EXOC4: variants seen among roughly 807,000 people sequenced by gnomAD.
EXOC4 encodes the protein exocyst complex component 4.
EXOC4 carries 71 observed loss-of-function variants against 107.2 expected under a neutral mutation model. The ratio of observed to expected loss-of-function variants is 0.66; its 90% CI spans 0.55 to 0.81. EXOC4 has a LOEUF of 0.81. EXOC4 is among the 30% of genes least tolerant of loss of function. The pLI, the probability that EXOC4 is intolerant of heterozygous loss-of-function variation, is 0.00. For synonymous variants in EXOC4, 456 were observed against 441.2 expected, an observed-to-expected ratio of 1.03 and a Z score of -0.42; for missense variants, 1,108 against 1,189.6, an observed-to-expected ratio of 0.93 and a Z score of 1.01.
At chr7:133,853,485 C>G (rs1194205352) in intron 11 of EXOC4, among the ~76,000 whole-genome samples, 1 of 151,992 alleles carries the variant, frequency 6.6e-6, no homozygotes, top group Non-Finnish European at 1.5e-5. Flanking sequence ...CCCACCTCAA[C>G]TTCTTGAGTA....
intron 10 of EXOC4, among the ~76,000 whole-genome samples, chr7:133,808,138 G>A (rs745813095): frequency 1.4e-4 from 21 of 152,086 alleles, no homozygotes; most frequent in Non-Finnish European, 2.8e-4. Flanking sequence ...GACATGATTG[G>A]GCTCTGCAGT....
chr7:133,776,038 A>G (rs1325522619), intron 10 of EXOC4, among the ~76,000 whole-genome samples: 1 of 151,842 alleles, frequency 6.6e-6, no homozygotes, highest in Non-Finnish European at 1.5e-5. Context: ...GATAAAAAGC[A>G]CTCTTAAAGA....
At chr7:133,510,806 A>G (rs1213811678) in intron 9 of EXOC4, among the ~76,000 whole-genome samples, 1 of 152,190 alleles carries the variant, frequency 6.6e-6, no homozygotes, top group African/African-American at 2.4e-5. Flanking sequence ...AGAGTGGTAC[A>G]TATCACACCA....
In EXOC4 at chr7:133,929,552, A is replaced by G. The variant is rs149742589; in HGVS notation, c.2028-8339A>G. Reference sequence around the variant, plus strand: ...ACACAAAGCATTTACTCTTCTTTATAGTATCTCTGTTTTTTTACTTTCCAG... The same window carrying G: ...ACACAAAGCATTTACTCTTCTTTATGGTATCTCTGTTTTTTTACTTTCCAG... On this transcript the variant is annotated intron_variant, in intron 13 of 17. Transcript: ENST00000253861. Among the ~76,000 whole-genome samples, 26 of 152,100 alleles carry G rather than the reference A, an allele frequency of 1.7e-4. No individual in the cohort carries two copies. The East Asian group carries it at 3.9e-3, about 23-fold the overall frequency.
intron 11 of EXOC4, among the ~76,000 whole-genome samples, chr7:133,831,775 G>A (rs1427021721): frequency 1.3e-5 from 2 of 152,080 alleles, no homozygotes; most frequent in Non-Finnish European, 2.9e-5. Flanking sequence ...AGTTGACACT[G>A]AAAGGAAACA....
chr7:134,059,639 T>G (rs1294762444), intron 17 of EXOC4, among the ~76,000 whole-genome samples: 2 of 152,144 alleles, frequency 1.3e-5, no homozygotes, highest in Non-Finnish European at 2.9e-5. Flanking sequence ...ACTAATTCTG[T>G]TTTTAGAAAT....
chr7:133,787,972 TATATATATATA>T (rs1796620664), intron 10 of EXOC4, among the ~76,000 whole-genome samples: 2 of 38,568 alleles, frequency 5.2e-5, no homozygotes, highest in Non-Finnish European at 1.0e-4. Context: ...TTTATATATA[TATATATATATA>T]TATATATATA....
At chr7:133,310,318 C>T (rs1794842108) in intron 4 of EXOC4, among the ~76,000 whole-genome samples, 1 of 152,122 alleles carries the variant, frequency 6.6e-6, no homozygotes, top group African/African-American at 2.4e-5. Context: ...AGTAAATCCT[C>T]ACTTAATGCC....
chr7:133,985,936 A>G (rs1243208051), intron 14 of EXOC4, among the ~76,000 whole-genome samples: 1 of 152,018 alleles, frequency 6.6e-6, no homozygotes, highest in Non-Finnish European at 1.5e-5. Flanking sequence ...AATCCCTTTC[A>G]TCTCTCTTCT....
intron 12 of EXOC4, among the ~76,000 whole-genome samples, chr7:133,908,418 C>G (rs543074845): frequency 6.6e-6 from 1 of 152,284 alleles, no homozygotes; most frequent in African/African-American, 2.4e-5. Context: ...AGTCTTCAGC[C>G]CAAAGAAGAG....
At chr7:134,010,496 C>G (rs1241653931) in intron 17 of EXOC4, among the ~76,000 whole-genome samples, 1 of 152,082 alleles carries the variant, frequency 6.6e-6, no homozygotes, top group Non-Finnish European at 1.5e-5. Context: ...ATTTTTCCCC[C>G]GCTTCTTGTT....
At chr7:133,589,939 C>T (rs544231192) in intron 9 of EXOC4, among the ~76,000 whole-genome samples, 4 of 152,212 alleles carry the variant, frequency 2.6e-5, no homozygotes, top group Non-Finnish European at 4.4e-5. Context: ...TATTGTCTCA[C>T]GACCAGAAAA....
In EXOC4 at chr7:134,002,641, T is replaced by C. The variant is rs182669192; in HGVS notation, c.2349-2271T>C. 2.5e-4 allele frequency among the ~76,000 whole-genome samples: 38 copies of C among 152,202 alleles called. No homozygotes were observed. In the East Asian group the frequency reaches 6.6e-3, roughly 26 times the overall value. On this transcript the variant is annotated intron_variant, in intron 15 of 17. Transcript: ENST00000253861. ...TAATAAGAAAACAAAAAACCCAATT[T>C]TTAAAACTGGGCAAATGATTTGAAC...
chr7:133,343,857 A>T (rs1194822732), intron 5 of EXOC4, among the ~76,000 whole-genome samples: 1 of 151,176 alleles, frequency 6.6e-6, no homozygotes, highest in East Asian at 1.9e-4. Context: ...TTGGTTATCC[A>T]GGCTGGAGAG....
At chr7:133,709,947 A>G (rs948816517) in intron 10 of EXOC4, among the ~76,000 whole-genome samples, 2 of 152,158 alleles carry the variant, frequency 1.3e-5, no homozygotes, top group African/African-American at 4.8e-5. Context: ...ATTATTACAC[A>G]TATGTTATTA....
intron 7 of EXOC4, among the ~76,000 whole-genome samples, chr7:133,430,761 A>C (rs1051377321): frequency 1.8e-4 from 27 of 152,146 alleles, no homozygotes; most frequent in African/African-American, 6.5e-4. Context: ...AATGTAACTG[A>C]TTTACTAAGA....
chr7:134,029,801 A>G (rs1442165358), intron 17 of EXOC4, among the ~76,000 whole-genome samples: 2 of 152,184 alleles, frequency 1.3e-5, no homozygotes, highest in East Asian at 1.9e-4. Context: ...GATTACAGGC[A>G]TGAGCCACCA....
intron 10 of EXOC4, among the ~76,000 whole-genome samples, chr7:133,652,047 C>T (rs1448534447): frequency 1.3e-5 from 2 of 152,136 alleles, no homozygotes; most frequent in African/African-American, 2.4e-5. Flanking sequence ...TAGAAATAAA[C>T]GGGAAACCTG....
chr7:133,779,512 T>C (rs929354579), intron 10 of EXOC4, among the ~76,000 whole-genome samples: 1 of 152,226 alleles, frequency 6.6e-6, no homozygotes, highest in East Asian at 1.9e-4. Context: ...GAGTTCTTGA[T>C]ATTTAGGTCA....
Sources: allele counts gnomAD v4.1 joint callset (sites outside exome capture counted in the v4.1 genomes callset), GRCh38; gene constraint gnomAD v4.1.1; transcripts MANE v1.5; gene names NCBI Gene and HGNC (gene_info 2026-07-23, HGNC 2026-07-21).